VIL1: variants seen among roughly 807,000 people sequenced by gnomAD.
The protein encoded by VIL1 is villin 1, also known as villin-1.
In VIL1, 86 loss-of-function variants were observed where a neutral mutation model predicts 104.0. The observed-to-expected ratio is 0.83, with a 90% CI of 0.69 to 0.99. The LOEUF (loss-of-function observed/expected upper bound fraction) is 0.99, where lower values mean the gene tolerates loss of function less well. Ranked by LOEUF, VIL1 falls within the 50% of genes least tolerant of loss-of-function variation. VIL1 has a pLI of 0.00. For missense variants in VIL1, 944 were observed against 1,054.1 expected (o/e 0.90, Z 1.45); for synonymous variants, 394 against 412.6 (o/e 0.95, Z 0.55).
At chr2:218,446,961 A>G (rs1210370491) in intron 19 of VIL1, among the ~76,000 whole-genome samples, 1 of 151,784 alleles carries the variant, frequency 6.6e-6, no homozygotes, top group African/African-American at 2.4e-5. Flanking sequence ...ACAGGGTTTC[A>G]CCATGTTGGT....
At chr2:218,433,173 C>T (rs1175026418) in intron 13 of VIL1, among the ~76,000 whole-genome samples, 3 of 152,218 alleles carry the variant, frequency 2.0e-5, no homozygotes, top group Admixed American at 6.5e-5. Context: ...TGGTGGCTCA[C>T]GCCTGCAATC....
intron 13 of VIL1, among the ~76,000 whole-genome samples, chr2:218,433,554 G>T (rs1229134121): frequency 4.0e-5 from 6 of 151,590 alleles, no homozygotes; most frequent in African/African-American, 1.5e-4. Flanking sequence ...GGCATGCAAT[G>T]CAGGGGGCAC....
intron 19 of VIL1, among the ~76,000 whole-genome samples, chr2:218,442,471 G>A (rs1195148697): frequency 6.6e-6 from 1 of 152,064 alleles, no homozygotes; most frequent in Admixed American, 6.6e-5. Context: ...GTTTGGGGCT[G>A]GACACTTTTT....
intron 13 of VIL1, among the ~76,000 whole-genome samples, chr2:218,434,320 G>A (rs2106393969): frequency 6.6e-6 from 1 of 152,292 alleles, no homozygotes; most frequent in Middle Eastern, 3.4e-3. Flanking sequence ...CTGGGCTTTA[G>A]GCTAGAAGCA....
In VIL1 at chr2:218,431,191, GAACT is replaced by G. The variant is rs1247624029; in HGVS notation, c.1102+316_1102+319del. ...GAAACCCCGTCTCTACTGAAAAAAA[GAACT>G]AATAAATTAGCCAAGCATGGTGGTG... On this transcript the variant is annotated intron_variant, in intron 10 of 19. Transcript: ENST00000248444. 7.2e-5 allele frequency: 36 copies of G among 501,890 alleles called. No individual in the cohort carries two copies. In the East Asian group the frequency reaches 1.1e-3, roughly 15 times the overall value. The allele number at this position is 501,890 out of a possible 1,614,324, so 31.1% of individuals were successfully genotyped here.
intron 10 of VIL1, among the ~76,000 whole-genome samples, chr2:218,431,480 G>A (rs1336197346): frequency 1.3e-5 from 2 of 152,098 alleles, no homozygotes; most frequent in South Asian, 2.1e-4. Context: ...GGGCAAGCTC[G>A]GTGCCCAGCA....
In VIL1 at chr2:218,429,893, G is replaced by T. The variant is rs542134170; in HGVS notation, c.894G>T (p.Trp298Cys). 2 of 1,562,674 alleles carry T rather than the reference G, an allele frequency of 1.3e-6. No individual in the cohort carries two copies. The highest frequency in any genetic ancestry group is 2.7e-5 in the African/African-American group (2 of 73,004). The change falls in exon 9 of 20, where the codon TGG (tryptophan) becomes TGT (cysteine). Residue 298 changes from tryptophan (W) to cysteine (C), a missense_variant. Coordinates refer to ENST00000248444, the MANE Select transcript of VIL1 (RefSeq NM_007127.3). ...LDQGGLKIYVWKGKKANEQEK... is the reference protein window; with the variant it reads ...LDQGGLKIYVCKGKKANEQEK... Reference sequence around the variant, plus strand: ...AGGGGGGCCTGAAGATCTACGTGTGGAAAGGGAAGAAAGCCAATGAGCAGG... The same window carrying T: ...AGGGGGGCCTGAAGATCTACGTGTGTAAAGGGAAGAAAGCCAATGAGCAGG...
chr2:218,445,909 G>A (rs2106397985), intron 19 of VIL1, among the ~76,000 whole-genome samples: 1 of 152,146 alleles, frequency 6.6e-6, no homozygotes, highest in East Asian at 1.9e-4. Context: ...GACACCCAAG[G>A]CTTAGAAAGG....
intron 16 of VIL1, 26 bp from the exon 17 acceptor site, chr2:218,437,098 G>A: frequency 6.2e-7 from 1 of 1,607,654 alleles, no homozygotes; most frequent in Non-Finnish European, 8.5e-7. Context: ...AGGAAGGATG[G>A]ACTGATCCCC....
At chr2:218,423,938 C>A (rs558687762) in intron 2 of VIL1, 85 bp downstream of exon 2, 1 of 1,487,276 alleles carries the variant, frequency 6.7e-7, no homozygotes, top group African/African-American at 1.4e-5. Flanking sequence ...GATTTCTCTT[C>A]GTTTCCTCTG....
At chr2:218,442,240 A>C (rs1461206324) in intron 19 of VIL1, among the ~76,000 whole-genome samples, 5 of 152,174 alleles carry the variant, frequency 3.3e-5, no homozygotes, top group African/African-American at 1.2e-4. Flanking sequence ...CCAAGATAGA[A>C]AACTGGATCA....
At chr2:218,447,630 C>A (rs531568481) in intron 19 of VIL1, among the ~76,000 whole-genome samples, 1 of 152,236 alleles carries the variant, frequency 6.6e-6, no homozygotes, top group East Asian at 1.9e-4. Flanking sequence ...CTAATAAAAT[C>A]TCATTTACCC....
intron 19 of VIL1, among the ~76,000 whole-genome samples, chr2:218,444,010 G>A (rs1361154174): frequency 6.6e-6 from 1 of 151,846 alleles, no homozygotes; most frequent in Non-Finnish European, 1.5e-5. Flanking sequence ...TTGTTGCCCA[G>A]GATGGAGTGC....
At chr2:218,421,725 G>A (rs3755039) in intron 1 of VIL1, among the ~76,000 whole-genome samples, 1 of 152,144 alleles carries the variant, frequency 6.6e-6, no homozygotes, top group South Asian at 2.1e-4. Flanking sequence ...TCTCTGGGGA[G>A]GGGGAGCGCT....
intron 4 of VIL1, among the ~76,000 whole-genome samples, chr2:218,426,745 G>A (rs1689008786): frequency 1.3e-5 from 2 of 152,110 alleles, no homozygotes; most frequent in South Asian, 4.1e-4. Context: ...GGGACTACAG[G>A]TGCCCACCAC....
At chr2:218,447,048 G>A (rs1476519876) in intron 19 of VIL1, among the ~76,000 whole-genome samples, 5 of 152,192 alleles carry the variant, frequency 3.3e-5, no homozygotes, top group Admixed American at 3.3e-4. Context: ...ACAGGTGTGA[G>A]CCAACGCGCC....
At position 218,435,330 on chromosome 2, in the gene VIL1, T is replaced by TG; in HGVS notation, c.1723dup (p.Asp575GlyfsTer49). ...AGCGGGAGATGGCCAAGATGGTTGC[T>TG]GACACCATCTCCCGGACGGAGAAGC... On this transcript the variant is annotated frameshift_variant, in exon 15 of 20. Transcript: ENST00000248444. LOFTEE classifies it high-confidence loss of function. 1 of 1,614,096 alleles carries TG rather than the reference T, an allele frequency of 6.2e-7. No individual in the cohort carries two copies. Among genetic ancestry groups the TG allele is most frequent in the Non-Finnish European group, 8.5e-7 (1 of 1,179,974 alleles).
chr2:218,446,608 T>C (rs1320223461), intron 19 of VIL1, among the ~76,000 whole-genome samples: 1 of 152,110 alleles, frequency 6.6e-6, no homozygotes, highest in Non-Finnish European at 1.5e-5. Flanking sequence ...GGTAAAACTG[T>C]GGCCAACTGC....
At position 218,423,861 on chromosome 2, in the gene VIL1, C is replaced by G. The variant is rs375417922; in HGVS notation, c.75+8C>G. 62 of 1,613,962 alleles carry G rather than the reference C, an allele frequency of 3.8e-5. No homozygotes were observed. The African/African-American group carries it at 6.9e-4, about 18-fold the overall frequency. On this transcript the variant is annotated splice_region_variant and intron_variant, in intron 2 of 19. Coordinates refer to ENST00000248444, the MANE Select transcript of VIL1 (RefSeq NM_007127.3). ...CAGATATGGAGGATCGAGGTGAGGC[C>G]CTGTCTGGGCATGGGGGCTGCTCAG...
Sources: gnomAD v4.1 joint callset for allele counts (sites outside exome capture counted in the v4.1 genomes callset) on GRCh38, gnomAD v4.1.1 for gene constraint, MANE v1.5 for transcripts, NCBI Gene and HGNC (gene_info 2026-07-23, HGNC 2026-07-21) for gene names.